The following IMPG1 variants were observed in gnomAD, a reference collection of about 807,000 sequenced individuals.
IMPG1 encodes interphotoreceptor matrix proteoglycan 1.
A neutral mutation model predicts 92.0 loss-of-function variants in IMPG1; 85 were observed. The observed-to-expected ratio is 0.92, with a 90% CI of 0.78 to 1.11. IMPG1 has a LOEUF of 1.11. Ranked by LOEUF, IMPG1 falls within the 50% of genes least tolerant of loss-of-function variation. The pLI is 0.00. For synonymous variants in IMPG1, 367 were observed against 334.1 expected (o/e 1.10, Z -1.08); for missense variants, 1,022 against 956.0 (o/e 1.07, Z -0.91).
chr6:75,923,785 T>C (rs1199370485), intron 15 of IMPG1, 79 bp from the exon 16 acceptor site: 3 of 813,202 alleles, frequency 3.7e-6, no homozygotes, highest in Non-Finnish European at 6.0e-6. Flanking sequence ...TTCTACTGTT[T>C]TAGTTTTAAC....
chr6:76,060,409 G>C (rs1784186640), intron 1 of IMPG1, among the ~76,000 whole-genome samples: 1 of 152,148 alleles, frequency 6.6e-6, no homozygotes, highest in Admixed American at 6.6e-5. Flanking sequence ...TGCTAGTTCA[G>C]AGCTTGACAG....
chr6:75,966,434 A>G (rs530271012), intron 12 of IMPG1, among the ~76,000 whole-genome samples: 1 of 152,288 alleles, frequency 6.6e-6, no homozygotes, highest in East Asian at 1.9e-4. Flanking sequence ...TTGGGTTGTT[A>G]TAAAAGGCAG....
At chr6:75,954,607 C>T (rs1782086634) in intron 12 of IMPG1, among the ~76,000 whole-genome samples, 1 of 152,142 alleles carries the variant, frequency 6.6e-6, no homozygotes. Flanking sequence ...TGCAGAAGCT[C>T]CTTAGTTTAA....
At chr6:75,946,136 C>CA (rs1781924093) in intron 14 of IMPG1, among the ~76,000 whole-genome samples, 1 of 152,186 alleles carries the variant, frequency 6.6e-6, no homozygotes, top group African/African-American at 2.4e-5. Flanking sequence ...GTCTTACTGG[C>CA]ATTTAGGAGG....
chr6:76,063,065 A>G (rs1040338627), intron 1 of IMPG1, among the ~76,000 whole-genome samples: 1 of 151,928 alleles, frequency 6.6e-6, no homozygotes, highest in East Asian at 1.9e-4. Context: ...TTAGCCAGGC[A>G]TGGTGGCAGG....
At chr6:76,013,207 C>G (rs142398511) in intron 7 of IMPG1, among the ~76,000 whole-genome samples, 4 of 152,102 alleles carry the variant, frequency 2.6e-5, no homozygotes, top group African/African-American at 9.6e-5. Flanking sequence ...CATTGCTGGA[C>G]CCATTGAACA....
chr6:75,976,765 A>T (rs1782543277), intron 12 of IMPG1, among the ~76,000 whole-genome samples: 1 of 152,010 alleles, frequency 6.6e-6, no homozygotes, highest in Admixed American at 6.6e-5. Flanking sequence ...ACAAAGAACT[A>T]GCCGGGCGTG....
chr6:75,957,554 A>C (rs1782150446), intron 12 of IMPG1, among the ~76,000 whole-genome samples: 1 of 152,170 alleles, frequency 6.6e-6, no homozygotes, highest in Non-Finnish European at 1.5e-5. Context: ...GTCTCTTTGC[A>C]GGCCCTAAGA....
chr6:76,008,502 C>A (rs1416111344), intron 8 of IMPG1, among the ~76,000 whole-genome samples: 2 of 152,146 alleles, frequency 1.3e-5, no homozygotes, highest in Non-Finnish European at 2.9e-5. Context: ...CTGAAATGTA[C>A]ATGCTACAGG....
At position 75,988,854 on chromosome 6, in the gene IMPG1, T is replaced by C. The variant is rs1782767868; in HGVS notation, c.1291+14064A>G. On this transcript the variant is annotated intron_variant, in intron 12 of 16. Transcript: ENST00000369950. ...AGCCACTGTGTCCCCAGCATTGATGTTTGTGTCTTTTATGGATGTCTTGCT... is the reference window on the plus strand; with the variant it reads ...AGCCACTGTGTCCCCAGCATTGATGCTTGTGTCTTTTATGGATGTCTTGCT... 2.0e-5 allele frequency among the ~76,000 whole-genome samples: 3 copies of C among 152,190 alleles called. No individual in the cohort carries two copies. In the South Asian group the frequency reaches 6.2e-4, roughly 32 times the overall value.
intron 2 of IMPG1, among the ~76,000 whole-genome samples, chr6:76,035,662 T>C (rs1475346159): frequency 6.6e-6 from 1 of 152,184 alleles, no homozygotes; most frequent in Non-Finnish European, 1.5e-5. Context: ...AGAGAATCAA[T>C]TTCCAGGTGT....
At chr6:75,926,114 C>G (rs1359257466) in intron 15 of IMPG1, among the ~76,000 whole-genome samples, 1 of 152,054 alleles carries the variant, frequency 6.6e-6, no homozygotes, top group Non-Finnish European at 1.5e-5. Flanking sequence ...TGCCTGGGAT[C>G]AGAACTAAGA....
chr6:75,991,370 G>C (rs1278707083), intron 12 of IMPG1, among the ~76,000 whole-genome samples: 1 of 151,334 alleles, frequency 6.6e-6, no homozygotes, highest in Non-Finnish European at 1.5e-5. Context: ...CAGCCTGGGT[G>C]ACAGAGCAAG....
chr6:76,001,311 T>C (rs1782984652), intron 12 of IMPG1, among the ~76,000 whole-genome samples: 1 of 152,154 alleles, frequency 6.6e-6, no homozygotes, highest in Non-Finnish European at 1.5e-5. Context: ...TCATGAAAAG[T>C]TTTGTTTTGT....
At chr6:76,071,112 T>C (rs1784397006) in intron 1 of IMPG1, among the ~76,000 whole-genome samples, 1 of 148,798 alleles carries the variant, frequency 6.7e-6, no homozygotes, top group Non-Finnish European at 1.5e-5. Context: ...ATTACATATA[T>C]TAAATTATAT....
At chr6:76,059,395 G>A (rs560248371) in intron 1 of IMPG1, among the ~76,000 whole-genome samples, 3 of 124,536 alleles carry the variant, frequency 2.4e-5, no homozygotes, top group East Asian at 4.8e-4. Flanking sequence ...AGTTCAAGAC[G>A]TTACACCTTT....
intron 4 of IMPG1, among the ~76,000 whole-genome samples, chr6:76,026,759 T>A (rs1371268115): frequency 6.6e-6 from 1 of 152,212 alleles, no homozygotes; most frequent in Non-Finnish European, 1.5e-5. Context: ...ACCTTTAAAG[T>A]TCTTTTTCCC....
intron 12 of IMPG1, among the ~76,000 whole-genome samples, chr6:75,977,122 A>G (rs1252276809): frequency 6.6e-6 from 1 of 152,184 alleles, no homozygotes; most frequent in Admixed American, 6.5e-5. Flanking sequence ...TATAAAACAT[A>G]CAATAAATAA....
intron 2 of IMPG1, among the ~76,000 whole-genome samples, chr6:76,036,735 G>A (rs547466974): frequency 2.0e-5 from 3 of 152,176 alleles, no homozygotes; most frequent in Admixed American, 1.3e-4. Context: ...ATTTCCTACT[G>A]TTAAGAAGAA....
Sources: allele counts gnomAD v4.1 joint callset (sites outside exome capture counted in the v4.1 genomes callset), GRCh38; gene constraint gnomAD v4.1.1; transcripts MANE v1.5; gene names NCBI Gene and HGNC (gene_info 2026-07-23, HGNC 2026-07-21).